Variants in ZFHX3 observed in about 807,000 individuals in gnomAD.
The protein encoded by ZFHX3 is zinc finger homeobox 3, also known as zinc finger homeobox protein 3.
In ZFHX3, 42 loss-of-function variants were observed where a neutral mutation model predicts 279.1. That is an observed-to-expected ratio of 0.15 (90% CI 0.12 to 0.19). The LOEUF is 0.19. Ranked by LOEUF, ZFHX3 falls within the 10% of genes least tolerant of loss-of-function variation. The pLI, the probability that ZFHX3 is intolerant of heterozygous loss-of-function variation, is 1.00. For missense variants in ZFHX3, 4,981 were observed against 4,754.0 expected (o/e 1.05, Z -1.40); for synonymous variants, 2,293 against 1,957.8 (o/e 1.17, Z -4.52).
intron 3 of ZFHX3, among the ~76,000 whole-genome samples, chr16:73,359,748 G>A (rs1376223198): frequency 3.9e-5 from 6 of 152,210 alleles, no homozygotes; most frequent in Non-Finnish European, 5.9e-5. Flanking sequence ...CTGAAGCCCC[G>A]AGGCATGAGT....
At chr16:73,731,824 C>T (rs2053572176) in intron 1 of ZFHX3, among the ~76,000 whole-genome samples, 1 of 152,062 alleles carries the variant, frequency 6.6e-6, no homozygotes, top group Non-Finnish European at 1.5e-5. Flanking sequence ...AGAGAAGAGG[C>T]TTTCTTCATA....
chr16:73,169,842 T>C (rs953469077), intron 5 of ZFHX3, among the ~76,000 whole-genome samples: 3 of 152,154 alleles, frequency 2.0e-5, no homozygotes, highest in African/African-American at 7.2e-5. Context: ...AGATCAAAGC[T>C]GTTTTTTCTT....
chr16:73,125,613 G>C (rs1966555846), intron 7 of ZFHX3, among the ~76,000 whole-genome samples: 1 of 151,970 alleles, frequency 6.6e-6, no homozygotes, highest in Admixed American at 6.6e-5. Flanking sequence ...AGACTCCCTA[G>C]CCTCCCAGCG....
chr16:73,706,717 T>C (rs1438247643), intron 1 of ZFHX3, among the ~76,000 whole-genome samples: 3 of 152,128 alleles, frequency 2.0e-5, no homozygotes, highest in Non-Finnish European at 4.4e-5. Flanking sequence ...CCAAAGATGT[T>C]TTCTTTATGA....
chr16:72,787,901 G>C lies in ZFHX3; in HGVS notation c.10375C>G (p.Pro3459Ala). The C allele has an allele frequency of 6.2e-7, 1 of 1,614,112 alleles. No individual in the cohort carries two copies. The highest frequency in any genetic ancestry group is 2.2e-5 in the East Asian group (1 of 44,874). The change falls in exon 10 of 10, where the codon CCA becomes GCA. Residue 3459 changes from proline (P) to alanine (A), a missense_variant. This residue lies in a region of ZFHX3 where 1,034 missense variants were observed against 786.0 expected (regional missense o/e 1.32). Coordinates refer to ENST00000268489, the MANE Select transcript of ZFHX3 (RefSeq NM_006885.4). Reference sequence around the variant, plus strand: ...CAGACCAACTTGTACTGCACCTTTGGAACAATGAAGGGGTCGTAGAGGGAG... The same window carrying C: ...CAGACCAACTTGTACTGCACCTTTGCAACAATGAAGGGGTCGTAGAGGGAG... Reference protein sequence around the residue: ...ADSLYDPFIVPKVQYKLVCRK... With the variant: ...ADSLYDPFIVAKVQYKLVCRK...
At chr16:73,841,833 A>G (rs1307322855) in intron 1 of ZFHX3, among the ~76,000 whole-genome samples, 1 of 152,218 alleles carries the variant, frequency 6.6e-6, no homozygotes, top group African/African-American at 2.4e-5. Context: ...TTGACATAAA[A>G]TATTTAAAAA....
chr16:73,472,028 T>G (rs1409199449), intron 2 of ZFHX3, among the ~76,000 whole-genome samples: 7 of 152,110 alleles, frequency 4.6e-5, no homozygotes, highest in Admixed American at 3.9e-4. Context: ...ACGGACTCAT[T>G]TCTGAGGCTG....
At chr16:73,091,774 C>A (rs796083410) in intron 8 of ZFHX3, among the ~76,000 whole-genome samples, 1 of 152,216 alleles carries the variant, frequency 6.6e-6, no homozygotes, top group Non-Finnish European at 1.5e-5. Context: ...AAATACTATC[C>A]AATGGCCACA....
intron 1 of ZFHX3, among the ~76,000 whole-genome samples, chr16:73,808,299 A>T (rs1318052584): frequency 1.3e-5 from 2 of 152,224 alleles, no homozygotes; most frequent in African/African-American, 4.8e-5. Flanking sequence ...GTTGAATTTC[A>T]TTTTGGTAGA....
intron 2 of ZFHX3, among the ~76,000 whole-genome samples, chr16:73,598,395 T>C (rs937025547): frequency 6.6e-6 from 1 of 152,000 alleles, no homozygotes; most frequent in Non-Finnish European, 1.5e-5. Context: ...AATTTCACAC[T>C]GTGATACTAG....
intron 3 of ZFHX3, among the ~76,000 whole-genome samples, chr16:73,341,402 C>T (rs1359729853): frequency 1.3e-5 from 2 of 152,008 alleles, no homozygotes; most frequent in Admixed American, 1.3e-4. Flanking sequence ...AGGATGTGAA[C>T]AGATGATTCC....
chr16:73,468,313 C>G (rs7197760), intron 2 of ZFHX3, among the ~76,000 whole-genome samples: 1 of 152,230 alleles, frequency 6.6e-6, no homozygotes, highest in Non-Finnish European at 1.5e-5. Context: ...AAGGGGGCAA[C>G]AGCATGCACA....
intron 1 of ZFHX3, among the ~76,000 whole-genome samples, chr16:73,880,052 G>C (rs893158657): frequency 6.6e-6 from 1 of 152,238 alleles, no homozygotes; most frequent in Non-Finnish European, 1.5e-5. Flanking sequence ...GAATCGGCGT[G>C]AATGGGAGAG....
At chr16:73,855,094 C>T (rs1292940346) in intron 1 of ZFHX3, among the ~76,000 whole-genome samples, 1 of 151,948 alleles carries the variant, frequency 6.6e-6, no homozygotes, top group Non-Finnish European at 1.5e-5. Flanking sequence ...AAGGACCTTA[C>T]ATTTTTCTGA....
chr16:73,286,444 A>G (rs756892004), intron 4 of ZFHX3, among the ~76,000 whole-genome samples: 3 of 152,220 alleles, frequency 2.0e-5, no homozygotes, highest in South Asian at 2.1e-4. Context: ...GACCTTAAGT[A>G]CAAGACTTGA....
chr16:73,169,377 T>C (rs1967466587), intron 5 of ZFHX3, among the ~76,000 whole-genome samples: 1 of 152,182 alleles, frequency 6.6e-6, no homozygotes, highest in Admixed American at 6.6e-5. Flanking sequence ...ATGCAGGTTA[T>C]AAATATGTAG....
At chr16:73,792,767 C>T (rs539312236) in intron 1 of ZFHX3, among the ~76,000 whole-genome samples, 15 of 152,002 alleles carry the variant, frequency 9.9e-5, no homozygotes, top group African/African-American at 3.6e-4. Context: ...AGGGTTAATA[C>T]CAACCTTTTT....
chr16:73,165,884 G>C (rs936943360), intron 5 of ZFHX3, among the ~76,000 whole-genome samples: 1 of 152,178 alleles, frequency 6.6e-6, no homozygotes. Flanking sequence ...ATTATATTTT[G>C]TACCAAATTG....
intron 3 of ZFHX3, among the ~76,000 whole-genome samples, chr16:73,381,889 C>A (rs942923261): frequency 1.3e-5 from 2 of 152,312 alleles, no homozygotes; most frequent in Admixed American, 6.5e-5. Flanking sequence ...CTGTGGACTG[C>A]GGGTTGGACA....
Sources: allele counts gnomAD v4.1 joint callset (sites outside exome capture counted in the v4.1 genomes callset), GRCh38; gene constraint gnomAD v4.1.1; regional missense constraint gnomAD v4.1.1; transcripts MANE v1.5; gene names NCBI Gene and HGNC (gene_info 2026-07-23, HGNC 2026-07-21).